The following GALNT1 variants were observed in gnomAD, a reference collection of about 807,000 sequenced individuals.
GALNT1 encodes polypeptide N-acetylgalactosaminyltransferase 1, also known as GalNAc transferase 1.
A neutral mutation model predicts 65.7 loss-of-function variants in GALNT1; 17 were observed. The observed-to-expected ratio is 0.26, with a 90% confidence interval of 0.18 to 0.39. The LOEUF is 0.39. GALNT1 is among the 10% of genes least tolerant of loss of function. The probability of loss-of-function intolerance (pLI) is 1.00; values close to 1 mark genes in which losing one functional copy is unlikely to be tolerated. For missense variants in GALNT1, 460 were observed against 672.8 expected (o/e 0.68, Z 3.50); for synonymous variants, 210 against 219.7 (o/e 0.96, Z 0.39).
chr18:35,584,435 A>G (rs1180189423), intron 1 of GALNT1, among the ~76,000 whole-genome samples: 1 of 152,176 alleles, frequency 6.6e-6, no homozygotes, highest in African/African-American at 2.4e-5. Flanking sequence ...GGAAGGAAAG[A>G]GGAGAGATCA....
chr18:35,640,813 G>A (rs56233903), intron 1 of GALNT1, among the ~76,000 whole-genome samples: 2,410 of 152,306 alleles, frequency 0.016, 31 homozygotes, highest in African/African-American at 0.028. Flanking sequence ...CTCCTTTAGA[G>A]AGAGCTTTCC....
At chr18:35,696,192 G>A (rs532096497) in intron 9 of GALNT1, among the ~76,000 whole-genome samples, 95 of 152,272 alleles carry the variant, frequency 6.2e-4, no homozygotes, top group Non-Finnish European at 1.1e-3. Flanking sequence ...TTCTAGATTG[G>A]AGGTCATTCT....
intron 9 of GALNT1, 149 bp downstream of exon 9, chr18:35,692,469 G>A (rs1033025334): frequency 2.5e-5 from 13 of 516,662 alleles, no homozygotes; most frequent in African/African-American, 8.0e-5. Context: ...TTCTTACCAC[G>A]TAAGTCTAAA....
chr18:35,679,661 G>A (rs1473560163), intron 4 of GALNT1, among the ~76,000 whole-genome samples: 1 of 152,174 alleles, frequency 6.6e-6, no homozygotes, highest in Non-Finnish European at 1.5e-5. Context: ...TGCCTTGGAA[G>A]CCTCAAATAT....
chr18:35,707,922 C>T (rs951130118), intron 11 of GALNT1, among the ~76,000 whole-genome samples: 4 of 152,182 alleles, frequency 2.6e-5, no homozygotes, highest in African/African-American at 7.2e-5. Flanking sequence ...CTGCTCAGGA[C>T]GTTGCCAGGA....
chr18:35,687,848 C>T (rs985990591), intron 6 of GALNT1, among the ~76,000 whole-genome samples: 1 of 152,078 alleles, frequency 6.6e-6, no homozygotes, highest in Non-Finnish European at 1.5e-5. Flanking sequence ...CGACCTGCTA[C>T]TTCTGTATTA....
At chr18:35,665,528 G>A (rs955626294) in intron 3 of GALNT1, among the ~76,000 whole-genome samples, 2 of 152,204 alleles carry the variant, frequency 1.3e-5, no homozygotes, top group African/African-American at 2.4e-5. Context: ...GACAATAGAT[G>A]AAAATAGACT....
At chr18:35,699,524 C>A (rs1014934129) in intron 9 of GALNT1, among the ~76,000 whole-genome samples, 2 of 152,078 alleles carry the variant, frequency 1.3e-5, no homozygotes, top group Non-Finnish European at 2.9e-5. Flanking sequence ...GTAATAAGAC[C>A]ACTGAGCAGT....
intron 1 of GALNT1, among the ~76,000 whole-genome samples, chr18:35,630,986 C>G (rs1366962997): frequency 6.6e-6 from 1 of 152,196 alleles, no homozygotes; most frequent in Non-Finnish European, 1.5e-5. Flanking sequence ...CACATACACT[C>G]TCCCAAGACT....
chr18:35,684,329 G>A (rs759571307), intron 5 of GALNT1, among the ~76,000 whole-genome samples: 6 of 152,236 alleles, frequency 3.9e-5, no homozygotes, highest in Admixed American at 1.3e-4. Flanking sequence ...CTGTTTGATA[G>A]CAAATGCTGG....
At chr18:35,681,930 T>C (rs1036566248) in intron 4 of GALNT1, among the ~76,000 whole-genome samples, 6 of 152,158 alleles carry the variant, frequency 3.9e-5, no homozygotes, top group Non-Finnish European at 7.4e-5. Flanking sequence ...AAATTATGCA[T>C]AATAACTTCA....
At chr18:35,662,639 C>T (rs139639046) in intron 2 of GALNT1, among the ~76,000 whole-genome samples, 1 of 152,028 alleles carries the variant, frequency 6.6e-6, no homozygotes, top group African/African-American at 2.4e-5. Context: ...TTGAGGATGC[C>T]TAAAAAACAA....
intron 2 of GALNT1, among the ~76,000 whole-genome samples, chr18:35,660,660 A>G (rs1358528138): frequency 6.6e-6 from 1 of 152,216 alleles, no homozygotes; most frequent in Non-Finnish European, 1.5e-5. Context: ...GAGAACATGG[A>G]AAGTTTATAC....
chr18:35,691,541 G>A (rs1314503895), intron 8 of GALNT1, among the ~76,000 whole-genome samples: 2 of 151,814 alleles, frequency 1.3e-5, no homozygotes, highest in Non-Finnish European at 2.9e-5. Context: ...ACTTTTTCTT[G>A]ATTCTTGGAG....
chr18:35,703,474 T>A (rs1035774571), intron 10 of GALNT1, 35 bp from the exon 11 acceptor site: 3 of 1,593,226 alleles, frequency 1.9e-6, no homozygotes, highest in Admixed American at 3.5e-5. Flanking sequence ...ACTAATTTAT[T>A]TTTTCTGTTT....
intron 1 of GALNT1, 74 bp from the exon 2 acceptor site, chr18:35,654,486 T>C (rs1396111244): frequency 1.4e-5 from 3 of 215,314 alleles, no homozygotes; most frequent in African/African-American, 6.9e-5. Flanking sequence ...GTTTATAATA[T>C]TAAATTAATT....
intron 9 of GALNT1, among the ~76,000 whole-genome samples, chr18:35,694,057 A>C (rs2048013083): frequency 6.6e-6 from 1 of 152,216 alleles, no homozygotes; most frequent in Non-Finnish European, 1.5e-5. Context: ...CGAATACTGC[A>C]GAGAAATTGA....
At chr18:35,623,922 A>ACT (rs1455245038) in intron 1 of GALNT1, among the ~76,000 whole-genome samples, 1 of 151,930 alleles carries the variant, frequency 6.6e-6, no homozygotes, top group Non-Finnish European at 1.5e-5. Flanking sequence ...TCTTGACTCA[A>ACT]CTTTTCTGTT....
chr18:35,692,376 TA>T (rs200314816), intron 9 of GALNT1, 56 bp downstream of exon 9: 715 of 1,092,888 alleles, frequency 6.5e-4, no homozygotes, highest in South Asian at 9.4e-4. Context: ...ACTTTTTTAT[TA>T]AAAAAAAATA....
Sources: allele counts gnomAD v4.1 joint callset (sites outside exome capture counted in the v4.1 genomes callset), GRCh38; gene constraint gnomAD v4.1.1; transcripts MANE v1.5; gene names NCBI Gene and HGNC (gene_info 2026-07-23, HGNC 2026-07-21).